The following AKAP7 variants were observed in gnomAD, a reference collection of about 807,000 sequenced individuals.
The protein encoded by AKAP7 is A-kinase anchoring protein 7, also known as A kinase (PRKA) anchor protein 7.
Under a neutral mutation model 39.5 loss-of-function variants are expected in AKAP7, and 39 were observed. The ratio of observed to expected loss-of-function variants is 0.99; its 90% CI spans 0.76 to 1.29. The LOEUF is 1.29. AKAP7 is among the 50% of genes most tolerant of loss of function. The probability of loss-of-function intolerance (pLI) is 0.00; values close to 1 mark genes in which losing one functional copy is unlikely to be tolerated. For missense variants in AKAP7, 414 were observed against 407.7 expected (o/e 1.02, Z -0.13); for synonymous variants, 140 against 139.1 (o/e 1.01, Z -0.05).
At chr6:131,228,894 T>G (rs1667646533) in intron 7 of AKAP7, among the ~76,000 whole-genome samples, 1 of 152,250 alleles carries the variant, frequency 6.6e-6, no homozygotes, top group South Asian at 2.1e-4. Context: ...TAAAGGCAGT[T>G]TCACGTAAGA....
upstream of AKAP7, among the ~76,000 whole-genome samples, chr6:131,130,685 G>A (rs780424310): frequency 1.3e-5 from 2 of 152,210 alleles, no homozygotes; most frequent in African/African-American, 2.4e-5. Context: ...GCTGATGTGC[G>A]CGAGGGCAGA....
At position 131,169,293 on chromosome 6, in the gene AKAP7, A is replaced by C; in HGVS notation, c.589+20A>C. On this transcript the variant is annotated intron_variant, in intron 5 of 7. Transcript: ENST00000431975. ...TAGCAGGTAAAACAGCAACACACTC[A>C]TATGAAATCTTGTCTGTTGGAGAAG... 1.2e-6 allele frequency: 2 copies of C among 1,610,010 alleles called. No individual in the cohort carries two copies. Among genetic ancestry groups the C allele is most frequent in the Non-Finnish European group, 1.7e-6 (2 of 1,178,878 alleles).
rs761534660 is a variant in AKAP7 at position 131,281,500 on chromosome 6, G to A, written c.851-30G>A. 1 of 1,526,382 alleles carries A rather than the reference G, an allele frequency of 6.6e-7. No individual in the cohort carries two copies. Among genetic ancestry groups the A allele is most frequent in the South Asian group, 1.3e-5 (1 of 78,514 alleles). 94.6% of individuals were successfully genotyped at this position (1,526,382 alleles called of 1,614,324 possible). A position where few individuals can be genotyped will look rare whatever the true frequency, so the allele number is the denominator to read the frequency against. On this transcript the variant is annotated intron_variant, in intron 7 of 7. Transcript: ENST00000431975. This position sits in a 1 kb window ranked among gnomAD's most constrained non-coding sequence, Gnocchi z 4.0. ...AAGTTTCTATGGCAATGTGATCTCA[G>A]TGACCTCTCTTCTCTATTGTGGAAT... is the stretch of plus-strand genomic sequence containing the variant.
At chr6:131,174,610 G>A (rs1804399767) in intron 5 of AKAP7, among the ~76,000 whole-genome samples, 1 of 152,146 alleles carries the variant, frequency 6.6e-6, no homozygotes, top group African/African-American at 2.4e-5. Context: ...GAATGCCTTA[G>A]GATTAGTGCC....
intron 7 of AKAP7, chr6:131,250,479 G>A: frequency 1.3e-6 from 2 of 1,596,662 alleles, no homozygotes; most frequent in Non-Finnish European, 1.7e-6. Flanking sequence ...AAAAGGCAGG[G>A]TGTGCTCGCA....
chr6:131,141,062 G>T (rs1461918882), intron 1 of AKAP7, among the ~76,000 whole-genome samples: 1 of 151,842 alleles, frequency 6.6e-6, no homozygotes, highest in African/African-American at 2.4e-5. Flanking sequence ...GGGTTTTTTG[G>T]CATTGAACTT....
chr6:131,260,190 T>C (rs978936508), intron 7 of AKAP7, among the ~76,000 whole-genome samples: 1 of 152,146 alleles, frequency 6.6e-6, no homozygotes, highest in African/African-American at 2.4e-5. Context: ...ACATTTTCTT[T>C]ATCTAGTCTA....
At chr6:131,156,195 T>G (rs1802403621) in intron 2 of AKAP7, among the ~76,000 whole-genome samples, 3 of 152,178 alleles carry the variant, frequency 2.0e-5, no homozygotes, top group South Asian at 4.2e-4. Context: ...CATCCTGTGT[T>G]GCTTGGGGTT....
Position 131,198,199 on chromosome 6 carries a change from A to G in AKAP7, c.590-1262A>G, listed in dbSNP as rs144101069. ...CTCCTAACACTCAGCTTTTCTCCCA[A>G]CATCTACTTGACATTTTGAACATAG... On this transcript the variant is annotated intron_variant, in intron 5 of 7. Coordinates refer to ENST00000431975, the MANE Select transcript of AKAP7 (RefSeq NM_016377.4). Among the ~76,000 whole-genome samples, 60 of 152,288 alleles carry G rather than the reference A, an allele frequency of 3.9e-4. No individual in the cohort carries two copies. In the East Asian group the frequency reaches 0.011, roughly 28 times the overall value.
chr6:131,281,640 A>G lies in AKAP7; in HGVS notation c.961A>G (p.Asn321Asp). The change falls in exon 8 of 8, where the codon AAT becomes GAT. Residue 321 changes from asparagine (N) to aspartate (D), a missense_variant. By Grantham distance (23) the Asn-to-Asp change is conservative. Coordinates refer to ENST00000431975, the MANE Select transcript of AKAP7 (RefSeq NM_016377.4). This position sits in a 1 kb window ranked among gnomAD's most constrained non-coding sequence, Gnocchi z 4.0. Reference sequence around the variant, plus strand: ...CCAGCAGTATCTGGAGGAAACACAGAATAAAAACAAGCCGGGGGAGGGGAG... The same window carrying G: ...CCAGCAGTATCTGGAGGAAACACAGGATAAAAACAAGCCGGGGGAGGGGAG... ...AVQQYLEETQ[N>D]KNKPGEGSSV... is the part of the protein sequence containing the mutation. The G allele has an allele frequency of 6.2e-7, 1 of 1,613,750 alleles. No homozygotes were observed. The highest frequency in any genetic ancestry group is 8.5e-7 in the Non-Finnish European group (1 of 1,179,864).
intron 7 of AKAP7, among the ~76,000 whole-genome samples, chr6:131,275,791 T>C (rs1010580378): frequency 1.3e-5 from 2 of 152,234 alleles, no homozygotes; most frequent in African/African-American, 4.8e-5. Flanking sequence ...AGACAGCATC[T>C]TGGGGAACGG....
At chr6:131,127,795 A>G in the AKAP7 span, among the ~76,000 whole-genome samples, 1,616 of 152,328 alleles carry the variant, frequency 0.011, 160 homozygotes, top group East Asian at 0.24. Flanking sequence ...TCAACAGTAG[A>G]CTGCATAAAG....
chr6:131,152,648 G>A (rs1329594787), intron 2 of AKAP7, among the ~76,000 whole-genome samples: 1 of 151,036 alleles, frequency 6.6e-6, no homozygotes, highest in Non-Finnish European at 1.5e-5. Flanking sequence ...GCCAACATGC[G>A]AAACCCCATG....
intron 1 of AKAP7, among the ~76,000 whole-genome samples, chr6:131,142,053 G>T (rs369116882): frequency 1.3e-5 from 2 of 151,972 alleles, no homozygotes; most frequent in African/African-American, 4.8e-5. Context: ...ATGACTTAAA[G>T]TTGCTTTCCT....
intron 3 of AKAP7, among the ~76,000 whole-genome samples, chr6:131,161,702 A>G (rs1336449954): frequency 6.7e-6 from 1 of 149,808 alleles, no homozygotes; most frequent in Non-Finnish European, 1.5e-5. Context: ...TCCTAGTGCA[A>G]TAGTCATTAA....
intron 5 of AKAP7, among the ~76,000 whole-genome samples, chr6:131,171,133 C>T (rs1804003138): frequency 6.6e-6 from 1 of 151,974 alleles, no homozygotes; most frequent in South Asian, 2.1e-4. Flanking sequence ...ATGCAATTAG[C>T]CAGTGCCAAC....
At chr6:131,185,480 G>A (rs1222800267) in intron 5 of AKAP7, 2 of 341,212 alleles carry the variant, frequency 5.9e-6, no homozygotes, top group East Asian at 1.3e-4. Context: ...ACCACCACAG[G>A]TGCCATTTTC....
At chr6:131,269,628 A>G (rs761013968) in intron 7 of AKAP7, among the ~76,000 whole-genome samples, 3 of 152,200 alleles carry the variant, frequency 2.0e-5, no homozygotes, top group Admixed American at 6.5e-5. Flanking sequence ...CCTCTGAAGG[A>G]GATTTAAACA....
chr6:131,165,039 T>C lies in AKAP7; in HGVS notation c.292-42T>C, dbSNP rs367723076. On this transcript the variant is annotated intron_variant, in intron 3 of 7. Transcript: ENST00000431975. ...TTACCATAAAGAAATTTTGCTTACC[T>C]AATCACTGGAATTTTTTTTATATGT... The C allele has an allele frequency of 7.2e-5, 107 of 1,486,102 alleles. No individual in the cohort carries two copies. The African/African-American group carries it at 1.4e-3, about 20-fold the overall frequency. 92.1% of individuals were successfully genotyped at this position (1,486,102 alleles called of 1,614,324 possible).
Sources: gnomAD v4.1 joint callset for allele counts (sites outside exome capture counted in the v4.1 genomes callset) on GRCh38, gnomAD v4.1.1 for gene constraint, Gnocchi (gnomAD v3.1) non-coding constraint, MANE v1.5 for transcripts, NCBI Gene and HGNC (gene_info 2026-07-23, HGNC 2026-07-21) for gene names.